Variants in JMY observed in about 807,000 individuals in gnomAD.
The protein encoded by JMY is junction mediating and regulatory protein, p53 cofactor.
In JMY, 46 loss-of-function variants were observed where a neutral mutation model predicts 103.3. That is an observed-to-expected ratio of 0.45 (90% CI 0.35 to 0.57). The LOEUF (loss-of-function observed/expected upper bound fraction) is 0.57. Among genes scored for constraint, JMY ranks in the 20% least tolerant of loss-of-function variants. The pLI, the probability that JMY is intolerant of heterozygous loss-of-function variation, is 0.00. For synonymous variants in JMY, 526 were observed against 489.3 expected (o/e 1.07, Z -0.99); for missense variants, 1,238 against 1,255.2 (o/e 0.99, Z 0.21).
chr5:79,321,052 C>T (rs1396306134), intron 10 of JMY, among the ~76,000 whole-genome samples: 1 of 152,196 alleles, frequency 6.6e-6, no homozygotes, highest in Non-Finnish European at 1.5e-5. Context: ...TCATTAGCCA[C>T]ATGTAGCTAC....
chr5:79,284,823 A>G, intron 2 of JMY: 2 of 1,575,238 alleles, frequency 1.3e-6, no homozygotes, highest in Non-Finnish European at 1.7e-6. Context: ...GTGCTTTCAC[A>G]TCATACCAAT....
At position 79,325,595 on chromosome 5, in the gene JMY, A is replaced by AG. The variant is rs1170752056; in HGVS notation, c.*3997dup. On this transcript the variant is annotated 3_prime_UTR_variant, in exon 11 of 11. Coordinates refer to ENST00000396137, the MANE Select transcript of JMY (RefSeq NM_152405.5). ...CAGCAAGATTTATTTCAGATGGAAA[A>AG]GGGGTGAGAAAGTGGAAGCACCTTA... 2.6e-5 allele frequency: 4 copies of AG among 152,160 alleles called. No individual in the cohort carries two copies. The highest frequency in any genetic ancestry group is 5.9e-5 in the Non-Finnish European group (4 of 68,010). The allele number at this position is 152,160 out of a possible 1,614,324, so 9.4% of individuals were successfully genotyped here.
At chr5:79,279,434 G>T (rs907871312) in intron 2 of JMY, among the ~76,000 whole-genome samples, 1 of 152,170 alleles carries the variant, frequency 6.6e-6, no homozygotes, top group Non-Finnish European at 1.5e-5. Flanking sequence ...TAAATGTTAT[G>T]TGTAATTCAT....
chr5:79,319,562 C>G (rs1747369099), intron 10 of JMY, among the ~76,000 whole-genome samples: 1 of 3,068 alleles, frequency 3.3e-4, no homozygotes, highest in African/African-American at 5.4e-4. Context: ...TTATTAGATT[C>G]CTTTTTTTTT....
intron 6 of JMY, among the ~76,000 whole-genome samples, chr5:79,302,010 A>G (rs1287608763): frequency 6.6e-6 from 1 of 150,390 alleles, no homozygotes; most frequent in Non-Finnish European, 1.5e-5. Context: ...TTGAACCCAG[A>G]AGGTGGAGGT....
At chr5:79,264,209 C>G (rs1745511877) in intron 1 of JMY, among the ~76,000 whole-genome samples, 1 of 152,094 alleles carries the variant, frequency 6.6e-6, no homozygotes, top group Non-Finnish European at 1.5e-5. Context: ...CCTCAACCTC[C>G]TGAGTAGCTG....
intron 2 of JMY, among the ~76,000 whole-genome samples, chr5:79,283,848 G>C (rs1022759411): frequency 2.6e-5 from 4 of 152,126 alleles, no homozygotes; most frequent in African/African-American, 9.7e-5. Context: ...TTCACATACT[G>C]AACTGAAGGT....
Position 79,314,435 on chromosome 5 carries a change from A to G in JMY, c.2243A>G (p.Gln748Arg), listed in dbSNP as rs778043035. 2 of 1,614,098 alleles carry G rather than the reference A, an allele frequency of 1.2e-6. No individual in the cohort carries two copies. Among genetic ancestry groups the G allele is most frequent in the African/African-American group, 2.7e-5 (2 of 74,938 alleles). Residue 748 changes from glutamine (Q) to arginine (R), a missense_variant, in exon 9 of 11, where the codon CAG (glutamine) becomes CGG (arginine). Transcript: ENST00000396137. ...GGAAGAGTCAAGCGTGGGCCATCAC[A>G]GACAACAGAACCCCAGAGCCTTGTG... ...GEGRVKRGPSQTTEPQSLVQL... is the reference protein window; with the variant it reads ...GEGRVKRGPSRTTEPQSLVQL...
At chr5:79,263,781 A>G (rs980087353) in intron 1 of JMY, among the ~76,000 whole-genome samples, 2 of 150,328 alleles carry the variant, frequency 1.3e-5, no homozygotes, top group African/African-American at 2.5e-5. Context: ...TGGCATCCTG[A>G]TGTGTGCCAC....
intron 7 of JMY, among the ~76,000 whole-genome samples, chr5:79,306,921 CCT>C: frequency 6.6e-6 from 1 of 152,104 alleles, no homozygotes; most frequent in African/African-American, 2.4e-5. Context: ...GCTACTCATC[CCT>C]CTCTCTCCCC....
chr5:79,270,187 A>T (rs1010342422), intron 1 of JMY, among the ~76,000 whole-genome samples: 5 of 151,576 alleles, frequency 3.3e-5, no homozygotes, highest in African/African-American at 1.2e-4. Flanking sequence ...GTACTATGTT[A>T]AATAGGAGTA....
At chr5:79,273,987 T>C (rs939884400) in intron 1 of JMY, among the ~76,000 whole-genome samples, 12 of 151,858 alleles carry the variant, frequency 7.9e-5, no homozygotes, top group Non-Finnish European at 1.5e-4. Flanking sequence ...CCCGCCACCA[T>C]GCCTGGCTAA....
At chr5:79,277,633 T>G (rs996937416) in intron 1 of JMY, among the ~76,000 whole-genome samples, 1 of 151,482 alleles carries the variant, frequency 6.6e-6, no homozygotes, top group African/African-American at 2.4e-5. Flanking sequence ...AGTGAAACCC[T>G]GTCTCAAAAA....
chr5:79,288,348 G>T (rs1253031647), intron 2 of JMY, among the ~76,000 whole-genome samples: 1 of 152,074 alleles, frequency 6.6e-6, no homozygotes, highest in Non-Finnish European at 1.5e-5. Context: ...CTTTTCAGTG[G>T]TTTTTCTCTC....
At chr5:79,297,721 C>G (rs1746604624) in intron 4 of JMY, among the ~76,000 whole-genome samples, 1 of 152,146 alleles carries the variant, frequency 6.6e-6, no homozygotes, top group Non-Finnish European at 1.5e-5. Flanking sequence ...TATTGTTTGT[C>G]CTTTCAGAGG....
intron 4 of JMY, among the ~76,000 whole-genome samples, chr5:79,297,010 T>C (rs1746582118): frequency 6.6e-6 from 1 of 152,250 alleles, no homozygotes; most frequent in Admixed American, 6.5e-5. Flanking sequence ...TTCATCCCCT[T>C]ACTAGATTTG....
intron 2 of JMY, among the ~76,000 whole-genome samples, chr5:79,286,221 A>C (rs1169333826): frequency 1.3e-5 from 2 of 152,182 alleles, no homozygotes; most frequent in African/African-American, 2.4e-5. Context: ...AAAGCATAGA[A>C]AGCATGTTTA....
chr5:79,311,097 T>C (rs1747033933), intron 7 of JMY, among the ~76,000 whole-genome samples: 1 of 152,018 alleles, frequency 6.6e-6, no homozygotes, highest in Admixed American at 6.6e-5. Context: ...TGTAAATTAG[T>C]AGTATATTAC....
chr5:79,268,522 C>CT (rs1462181846), intron 1 of JMY, among the ~76,000 whole-genome samples: 2 of 152,088 alleles, frequency 1.3e-5, no homozygotes, highest in African/African-American at 4.8e-5. Flanking sequence ...GCGTCTCGCT[C>CT]TGTCGCCCAG....
Sources: gnomAD v4.1 joint callset for allele counts (sites outside exome capture counted in the v4.1 genomes callset) on GRCh38, gnomAD v4.1.1 for gene constraint, MANE v1.5 for transcripts, NCBI Gene and HGNC (gene_info 2026-07-23, HGNC 2026-07-21) for gene names.